Variants in SKAP1 observed in about 807,000 individuals in gnomAD.
SKAP1 encodes the protein src kinase associated phosphoprotein 1.
In SKAP1, 44 loss-of-function variants were observed where a neutral mutation model predicts 58.5. The observed-to-expected ratio is 0.75, with a 90% confidence interval of 0.59 to 0.97. The LOEUF (loss-of-function observed/expected upper bound fraction) is 0.97. Among genes scored for constraint, SKAP1 ranks in the 50% least tolerant of loss-of-function variants. The pLI is 0.00. For missense variants in SKAP1, 390 were observed against 435.2 expected (o/e 0.90, Z 0.92); for synonymous variants, 127 against 149.7 (o/e 0.85, Z 1.11).
intron 1 of SKAP1, among the ~76,000 whole-genome samples, chr17:48,410,784 G>A (rs561815336): frequency 6.6e-6 from 1 of 151,760 alleles, no homozygotes; most frequent in South Asian, 2.1e-4. Flanking sequence ...AAAATTAGTG[G>A]GGTGTGGTGG....
chr17:48,285,639 C>A (rs2065821277), intron 4 of SKAP1, among the ~76,000 whole-genome samples: 1 of 151,570 alleles, frequency 6.6e-6, no homozygotes, highest in African/African-American at 2.4e-5. Flanking sequence ...AAGGGGAGCC[C>A]CTATGTCAAT....
At chr17:48,260,326 A>G (rs560967373) in intron 4 of SKAP1, among the ~76,000 whole-genome samples, 1 of 152,306 alleles carries the variant, frequency 6.6e-6, no homozygotes, top group East Asian at 1.9e-4. Context: ...TGAGTTTATT[A>G]GGATCTGGTC....
chr17:48,334,087 T>C (rs1349850968), intron 4 of SKAP1, among the ~76,000 whole-genome samples: 2 of 151,976 alleles, frequency 1.3e-5, no homozygotes, highest in African/African-American at 4.8e-5. Context: ...TGCAGTTTCC[T>C]AGGAAATTCC....
At chr17:48,205,017 T>TTTC (rs1567819931) in intron 4 of SKAP1, among the ~76,000 whole-genome samples, 57 of 25,554 alleles carry the variant, frequency 2.2e-3, no homozygotes, top group Admixed American at 1.0e-2. Context: ...TTCTTTCTTT[T>TTTC]TCTTTCTTTC....
intron 4 of SKAP1, among the ~76,000 whole-genome samples, chr17:48,270,009 G>C (rs1011058695): frequency 6.6e-6 from 1 of 152,140 alleles, no homozygotes; most frequent in African/African-American, 2.4e-5. Context: ...CTACTCAGGA[G>C]GCTGAGGCAG....
chr17:48,196,763 T>A (rs2064637346), intron 4 of SKAP1: 1 of 152,258 alleles, frequency 6.6e-6, no homozygotes, highest in Non-Finnish European at 1.5e-5. Context: ...CCAATTTTAG[T>A]ATATATGCTG....
chr17:48,213,063 C>T (rs1482411165), intron 4 of SKAP1, among the ~76,000 whole-genome samples: 4 of 152,000 alleles, frequency 2.6e-5, no homozygotes, highest in Non-Finnish European at 4.4e-5. Flanking sequence ...TACTGTTGGC[C>T]GGGCTCAGTG....
chr17:48,171,090 G>GTTTT (rs1458338120), intron 9 of SKAP1, among the ~76,000 whole-genome samples: 3 of 74,108 alleles, frequency 4.0e-5, no homozygotes, highest in African/African-American at 4.2e-5. Flanking sequence ...TTTAATTACT[G>GTTTT]TTGTTTTTTT....
chr17:48,336,687 C>G (rs1315636669), intron 4 of SKAP1, among the ~76,000 whole-genome samples: 3 of 45,922 alleles, frequency 6.5e-5, no homozygotes, highest in Admixed American at 5.4e-4. Context: ...AGCGTAATCA[C>G]TATATTTGAT....
intron 1 of SKAP1, among the ~76,000 whole-genome samples, chr17:48,403,494 T>C (rs575222826): frequency 2.0e-5 from 3 of 152,096 alleles, no homozygotes; most frequent in African/African-American, 7.2e-5. Context: ...CATATCCTTT[T>C]GAGCTTTCAA....
At chr17:48,208,396 G>A (rs560088799) in intron 4 of SKAP1, among the ~76,000 whole-genome samples, 37 of 152,264 alleles carry the variant, frequency 2.4e-4, no homozygotes, top group Middle Eastern at 3.4e-3. Context: ...AACGACTGAA[G>A]GTATAAATCA....
upstream of SKAP1, chr17:48,430,368 A>G (rs1386966390): frequency 2.2e-5 from 5 of 232,520 alleles, no homozygotes; most frequent in Admixed American, 2.8e-4. Flanking sequence ...CCCACGGTAG[A>G]AGGATTGGGG....
chr17:48,377,943 A>T (rs1193663134), intron 2 of SKAP1, among the ~76,000 whole-genome samples: 2 of 152,138 alleles, frequency 1.3e-5, no homozygotes, highest in Non-Finnish European at 2.9e-5. Flanking sequence ...CAGGTCCCAA[A>T]CTTCTCCTAC....
chr17:48,186,546 C>T (rs549573822), intron 6 of SKAP1, among the ~76,000 whole-genome samples: 141 of 151,980 alleles, frequency 9.3e-4, no homozygotes, highest in African/African-American at 3.1e-3. Context: ...AGTGCAGTGG[C>T]GTGATCTCGG....
chr17:48,308,460 G>C (rs1277069019), intron 4 of SKAP1: 7 of 152,174 alleles, frequency 4.6e-5, no homozygotes, highest in Non-Finnish European at 5.9e-5. Context: ...TTTCTTAGAA[G>C]TCCCACATCA....
chr17:48,150,312 C>T (rs1211107457), intron 11 of SKAP1, among the ~76,000 whole-genome samples: 1 of 152,138 alleles, frequency 6.6e-6, no homozygotes, highest in Non-Finnish European at 1.5e-5. Context: ...ATGACAAAAA[C>T]TTGTCATTAT....
chr17:48,398,211 T>C (rs1598655770), intron 1 of SKAP1, among the ~76,000 whole-genome samples: 2 of 152,314 alleles, frequency 1.3e-5, no homozygotes. Context: ...CCCCATCACT[T>C]GCATTACCAC....
At chr17:48,277,706 C>A (rs1246019133) in intron 4 of SKAP1, among the ~76,000 whole-genome samples, 2 of 152,170 alleles carry the variant, frequency 1.3e-5, no homozygotes, top group African/African-American at 2.4e-5. Context: ...CAGGGTCTTG[C>A]TCTGTTGCCC....
chr17:48,138,023 A>G (rs1278953127), intron 11 of SKAP1, among the ~76,000 whole-genome samples: 1 of 152,222 alleles, frequency 6.6e-6, no homozygotes, highest in African/African-American at 2.4e-5. Context: ...TTCTTTCCCT[A>G]GAACAGGTGA....
Sources: gnomAD v4.1 joint callset for allele counts (sites outside exome capture counted in the v4.1 genomes callset) on GRCh38, gnomAD v4.1.1 for gene constraint, MANE v1.5 for transcripts, NCBI Gene and HGNC (gene_info 2026-07-23, HGNC 2026-07-21) for gene names.